The following MBTPS1 variants were observed in gnomAD, a reference collection of about 807,000 sequenced individuals.
The protein encoded by MBTPS1 is membrane bound transcription factor peptidase, site 1.
A neutral mutation model predicts 127.8 loss-of-function variants in MBTPS1; 94 were observed. The observed-to-expected ratio is 0.74, with a 90% CI of 0.62 to 0.87. The LOEUF (loss-of-function observed/expected upper bound fraction) is 0.87. Ranked by LOEUF, MBTPS1 falls within the 40% of genes least tolerant of loss-of-function variation. The pLI, the probability that MBTPS1 is intolerant of heterozygous loss-of-function variation, is 0.00. For synonymous variants in MBTPS1, 632 were observed against 509.4 expected (o/e 1.24, Z -3.24); for missense variants, 1,636 against 1,353.2 (o/e 1.21, Z -3.28).
Position 84,054,617 on chromosome 16 carries a change from C to G in MBTPS1, c.2991G>C (p.Glu997Asp). ...CAAAGACAGGAATGGTCTGGCCCACCTCCTGGTTGTAGCGGCCAGGCATGA... is the reference window on the plus strand; with the variant it reads ...CAAAGACAGGAATGGTCTGGCCCACGTCCTGGTTGTAGCGGCCAGGCATGA... ...GGIMPGRYNQ[E>D]VGQTIPVFAF... Residue 997 changes from glutamate to aspartate, a missense_variant, in exon 23 of 23, where the codon GAG becomes GAC. Coordinates refer to ENST00000343411, the MANE Select transcript of MBTPS1 (RefSeq NM_003791.4). The G allele has an allele frequency of 6.2e-7, 1 of 1,610,656 alleles. No individual in the cohort carries two copies. Among genetic ancestry groups the G allele is most frequent in the Non-Finnish European group, 8.5e-7 (1 of 1,178,126 alleles).
chr16:84,055,884 C>G (rs1402847104), intron 22 of MBTPS1, 121 bp downstream of exon 22: 2 of 1,150,726 alleles, frequency 1.7e-6, no homozygotes, highest in Non-Finnish European at 2.5e-6. Context: ...GCCAAGGCCA[C>G]CACAGCTCCC....
chr16:84,053,936 AT>A lies in MBTPS1; in HGVS notation c.*512del, dbSNP rs1324322219. ...CCTTCAAATCTCAGTCTGTACTGTC[AT>A]TAAAAAGATCATGGAATCTATGTTG... On this transcript the variant is annotated 3_prime_UTR_variant, in exon 23 of 23. Coordinates refer to ENST00000343411, the MANE Select transcript of MBTPS1 (RefSeq NM_003791.4). The A allele has an allele frequency of 2.9e-4, 44 of 152,806 alleles. No individual in the cohort carries two copies. Among genetic ancestry groups the A allele is most frequent in the African/African-American group, 9.6e-4 (40 of 41,586 alleles). 9.5% of individuals were successfully genotyped at this position (152,806 alleles called of 1,614,324 possible). A position where few individuals can be genotyped will look rare whatever the true frequency, so the allele number is the denominator to read the frequency against.
At chr16:84,067,872 G>C (rs777799429) in intron 15 of MBTPS1, 49 bp from the exon 16 acceptor site, 30 of 1,558,068 alleles carry the variant, frequency 1.9e-5, no homozygotes, top group Middle Eastern at 1.7e-4. Flanking sequence ...TGAATGACAG[G>C]ACACCACCAC....
At chr16:84,079,527 C>G (rs536957392) in intron 11 of MBTPS1, among the ~76,000 whole-genome samples, 1 of 152,232 alleles carries the variant, frequency 6.6e-6, no homozygotes, top group African/African-American at 2.4e-5. Context: ...AAGATAATGA[C>G]GCACTGTCAC....
At chr16:84,060,845 CTTTT>C (rs757950134) in intron 19 of MBTPS1, 32 bp from the exon 20 acceptor site, 4 of 1,189,770 alleles carry the variant, frequency 3.4e-6, no homozygotes, top group African/African-American at 3.1e-5. Flanking sequence ...TTAGGAATTC[CTTTT>C]TTTTTTTCCA....
At chr16:84,099,392 T>C in intron 2 of MBTPS1, 82 bp from the exon 3 acceptor site, 1 of 1,424,574 alleles carries the variant, frequency 7.0e-7, no homozygotes, top group Non-Finnish European at 9.4e-7. Flanking sequence ...ATCTAAAATC[T>C]GGCAAAAGAA....
At chr16:84,097,174 A>G (rs1357976550) in intron 3 of MBTPS1, among the ~76,000 whole-genome samples, 2 of 152,286 alleles carry the variant, frequency 1.3e-5, no homozygotes, top group South Asian at 2.1e-4. Context: ...CTTATGGCCC[A>G]TGGGATAGAA....
At chr16:84,084,489 ACCT>A (rs1404070255) in intron 10 of MBTPS1, among the ~76,000 whole-genome samples, 1 of 152,180 alleles carries the variant, frequency 6.6e-6, no homozygotes, top group Non-Finnish European at 1.5e-5. Flanking sequence ...CACTAGAGTA[ACCT>A]CCTTTTTACT....
chr16:84,107,704 G>A (rs1030493867), intron 1 of MBTPS1, among the ~76,000 whole-genome samples: 5 of 114,236 alleles, frequency 4.4e-5, no homozygotes, highest in Non-Finnish European at 8.3e-5. Flanking sequence ...GAACTCCTGG[G>A]CCTATTTTTT....
intron 1 of MBTPS1, among the ~76,000 whole-genome samples, chr16:84,112,694 G>A (rs1416467061): frequency 2.1e-5 from 3 of 144,588 alleles, no homozygotes. Context: ...AAAAGAATAC[G>A]CCGGGCTCGG....
intron 6 of MBTPS1, among the ~76,000 whole-genome samples, chr16:84,092,157 C>T (rs1011890637): frequency 3.9e-5 from 6 of 152,170 alleles, no homozygotes; most frequent in African/African-American, 1.2e-4. Flanking sequence ...AAGCTCCCAA[C>T]CGCCCCTCTC....
chr16:84,083,955 C>A (rs2085980703), intron 10 of MBTPS1, among the ~76,000 whole-genome samples: 1 of 152,166 alleles, frequency 6.6e-6, no homozygotes, highest in Non-Finnish European at 1.5e-5. Context: ...GCTTGGAGAA[C>A]TTTATTGATT....
At chr16:84,093,031 G>A (rs2086130950) in intron 6 of MBTPS1, among the ~76,000 whole-genome samples, 157 bp downstream of exon 6, 1 of 152,222 alleles carries the variant, frequency 6.6e-6, no homozygotes, top group Non-Finnish European at 1.5e-5. Context: ...CCACCCAGGA[G>A]GCAGAGGAAC....
chr16:84,057,645 T>A (rs1332504258), intron 21 of MBTPS1: 2 of 152,260 alleles, frequency 1.3e-5, no homozygotes, highest in Non-Finnish European at 2.9e-5. Context: ...AGCTGTCTCC[T>A]GGTCTCAAAT....
intron 1 of MBTPS1, among the ~76,000 whole-genome samples, chr16:84,112,749 C>T (rs2086416758): frequency 6.6e-6 from 1 of 151,144 alleles, no homozygotes; most frequent in South Asian, 2.1e-4. Context: ...CCGAGACGGG[C>T]AGATCACCCG....
At chr16:84,111,011 T>G (rs1172916028) in intron 1 of MBTPS1, among the ~76,000 whole-genome samples, 1 of 152,210 alleles carries the variant, frequency 6.6e-6, no homozygotes, top group Non-Finnish European at 1.5e-5. Flanking sequence ...CAAATGCTCC[T>G]CCTGCAGTAG....
chr16:84,093,334 C>A, intron 5 of MBTPS1, 37 bp from the exon 6 acceptor site: 1 of 1,355,718 alleles, frequency 7.4e-7, no homozygotes. Context: ...ATAAAACACA[C>A]TGAATAGCAA....
At chr16:84,069,790 A>G (rs1020684949) in intron 14 of MBTPS1, 76 bp downstream of exon 14, 14 of 1,346,084 alleles carry the variant, frequency 1.0e-5, no homozygotes, top group Non-Finnish European at 1.4e-5. Context: ...ACATCTTTCC[A>G]AGAGTTGCGG....
In MBTPS1 at chr16:84,091,758, A is replaced by C; in HGVS notation, c.937T>G (p.Phe313Val). 2 of 1,614,068 alleles carry C rather than the reference A, an allele frequency of 1.2e-6. No individual in the cohort carries two copies. The highest frequency in any genetic ancestry group is 1.7e-6 in the Non-Finnish European group (2 of 1,179,918). Residue 313 changes from phenylalanine (F) to valine (V), a missense_variant, in exon 7 of 23, where the codon TTC becomes GTC. Phe to Val is a conservative substitution (Grantham distance 50). Transcript: ENST00000343411. ...VLNLSIGGPD[F>V]MDHPFVDKVW... ...TTGTCAACAAACGGATGATCCATGA[A>C]GTCCGGGCCGCCGATGCTGAGGTTT...
Sources: allele counts gnomAD v4.1 joint callset (sites outside exome capture counted in the v4.1 genomes callset), GRCh38; gene constraint gnomAD v4.1.1; transcripts MANE v1.5; gene names NCBI Gene and HGNC (gene_info 2026-07-23, HGNC 2026-07-21).